The following CCSER1 variants were observed in gnomAD, a reference collection of about 807,000 sequenced individuals.
CCSER1 encodes the protein serine-rich coiled-coil domain-containing protein 1.
Under a neutral mutation model 82.0 loss-of-function variants are expected in CCSER1, and 41 were observed. The ratio of observed to expected loss-of-function variants is 0.50; its 90% CI spans 0.39 to 0.65. The LOEUF is 0.65. Among genes scored for constraint, CCSER1 ranks in the 30% least tolerant of loss-of-function variants. The pLI is 0.00. For missense variants in CCSER1, 1,119 were observed against 1,064.2 expected (o/e 1.05, Z -0.72); for synonymous variants, 414 against 383.9 (o/e 1.08, Z -0.92).
Position 91,402,139 on chromosome 4 carries a change from G to C in CCSER1, c.2218-196433G>C, listed in dbSNP as rs1752380947. Among the ~76,000 whole-genome samples, 3 of 152,172 alleles carry C rather than the reference G, an allele frequency of 2.0e-5. No homozygotes were observed. The South Asian group carries it at 6.2e-4, about 31-fold the overall frequency. On this transcript the variant is annotated intron_variant, in intron 10 of 10. Transcript: ENST00000509176. Reference sequence around the variant, plus strand: ...TTGTGGTTTTGATTTGCATTTCTCTGATGGGCAGTGATGATGAGCATTTTT... The same window carrying C: ...TTGTGGTTTTGATTTGCATTTCTCTCATGGGCAGTGATGATGAGCATTTTT...
chr4:90,742,131 C>T (rs996516072), intron 7 of CCSER1, among the ~76,000 whole-genome samples: 2 of 152,036 alleles, frequency 1.3e-5, no homozygotes, highest in Admixed American at 6.6e-5. Context: ...GTGCTACACA[C>T]TTCCGAGCAA....
intron 9 of CCSER1, among the ~76,000 whole-genome samples, chr4:91,011,323 T>C (rs114660157): frequency 0.023 from 3,078 of 133,978 alleles, 458 homozygotes; most frequent in African/African-American, 0.047. Context: ...AAAATAGGGA[T>C]ACTTAGCTTA....
At chr4:91,317,708 G>T (rs1227690042) in intron 10 of CCSER1, among the ~76,000 whole-genome samples, 1 of 151,846 alleles carries the variant, frequency 6.6e-6, no homozygotes, top group Non-Finnish European at 1.5e-5. Context: ...ACTTAGGAGA[G>T]ACTTTTGAGA....
intron 3 of CCSER1, among the ~76,000 whole-genome samples, chr4:90,397,364 A>G (rs1391155566): frequency 6.6e-6 from 1 of 152,200 alleles, no homozygotes; most frequent in Non-Finnish European, 1.5e-5. Flanking sequence ...AGAGATTTTA[A>G]TATTTCCCTG....
chr4:90,146,480 A>C (rs1725830597), intron 1 of CCSER1, among the ~76,000 whole-genome samples: 1 of 152,048 alleles, frequency 6.6e-6, no homozygotes, highest in East Asian at 1.9e-4. Flanking sequence ...AGCTACCGTC[A>C]TTCTAATTAC....
intron 10 of CCSER1, among the ~76,000 whole-genome samples, chr4:91,143,327 A>C (rs1729217262): frequency 6.6e-6 from 1 of 151,752 alleles, no homozygotes; most frequent in African/African-American, 2.4e-5. Flanking sequence ...TTGTATATTT[A>C]CTTTGTATCC....
At chr4:90,648,973 T>G (rs1394219711) in intron 6 of CCSER1, among the ~76,000 whole-genome samples, 1 of 152,226 alleles carries the variant, frequency 6.6e-6, no homozygotes, top group Non-Finnish European at 1.5e-5. Context: ...AGTTAGCTGC[T>G]GCTTCTTACA....
At chr4:91,029,728 A>G (rs1740805958) in intron 9 of CCSER1, among the ~76,000 whole-genome samples, 1 of 152,108 alleles carries the variant, frequency 6.6e-6, no homozygotes, top group Non-Finnish European at 1.5e-5. Context: ...TTCATTCTGT[A>G]AAGTAAAAAT....
chr4:91,545,932 G>A (rs1248888145), intron 10 of CCSER1, among the ~76,000 whole-genome samples: 1 of 152,126 alleles, frequency 6.6e-6, no homozygotes, highest in African/African-American at 2.4e-5. Context: ...TATTGTAGAT[G>A]TTCTTTATTA....
chr4:91,438,592 G>A (rs1246468336), intron 10 of CCSER1, among the ~76,000 whole-genome samples: 2 of 152,170 alleles, frequency 1.3e-5, no homozygotes, highest in Non-Finnish European at 1.5e-5. Context: ...TCCTCCAAAG[G>A]AACATAATTC....
chr4:90,561,432 T>G (rs897481485), intron 5 of CCSER1, among the ~76,000 whole-genome samples: 6 of 152,210 alleles, frequency 3.9e-5, no homozygotes, highest in African/African-American at 1.4e-4. Flanking sequence ...AGCTGAAAGA[T>G]GTGTAAAATC....
chr4:90,634,098 A>G lies in CCSER1; in HGVS notation c.1932+5866A>G, dbSNP rs77238255. On this transcript the variant is annotated intron_variant, in intron 6 of 10. Coordinates refer to ENST00000509176, the MANE Select transcript of CCSER1 (RefSeq NM_001145065.2). ...CTATAAAAGAAAATGTTTAATATCTACAGAGGTGGGTTTTGTTTTAATGCT... is the reference window on the plus strand; with the variant it reads ...CTATAAAAGAAAATGTTTAATATCTGCAGAGGTGGGTTTTGTTTTAATGCT... Among the ~76,000 whole-genome samples the G allele has an allele frequency of 3.7e-3, 563 of 151,804 alleles. 27 individuals carry two copies. The East Asian group carries it at 0.092, about 25-fold the overall frequency.
At chr4:90,586,428 C>A (rs546656756) in intron 5 of CCSER1, among the ~76,000 whole-genome samples, 8 of 152,228 alleles carry the variant, frequency 5.3e-5, no homozygotes, top group African/African-American at 1.9e-4. Context: ...GAAAACATGA[C>A]CCTCATAAAT....
chr4:91,302,331 T>C (rs891076024), intron 10 of CCSER1, among the ~76,000 whole-genome samples: 20 of 152,032 alleles, frequency 1.3e-4, no homozygotes, highest in Non-Finnish European at 2.8e-4. Flanking sequence ...TTCTCTTCAC[T>C]GCAACGTTGT....
intron 5 of CCSER1, among the ~76,000 whole-genome samples, chr4:90,494,712 A>G (rs1409312015): frequency 6.6e-6 from 1 of 152,166 alleles, no homozygotes; most frequent in African/African-American, 2.4e-5. Flanking sequence ...ATTTTATTGA[A>G]GACTACCTAT....
chr4:90,193,395 G>A (rs562549448), intron 1 of CCSER1, among the ~76,000 whole-genome samples: 13 of 152,172 alleles, frequency 8.5e-5, no homozygotes, highest in African/African-American at 3.1e-4. Context: ...TAGTAGAGTG[G>A]CAAGGATATT....
At chr4:90,923,790 T>C (rs1687602601) in intron 9 of CCSER1, among the ~76,000 whole-genome samples, 1 of 152,244 alleles carries the variant, frequency 6.6e-6, no homozygotes, top group Non-Finnish European at 1.5e-5. Context: ...TTAATAAAGT[T>C]ACTATGTTTG....
intron 1 of CCSER1, among the ~76,000 whole-genome samples, chr4:90,233,925 C>T (rs867705087): frequency 7.4e-4 from 113 of 152,144 alleles, no homozygotes; most frequent in Middle Eastern, 6.8e-3. Flanking sequence ...TTCTTACATA[C>T]GTTGTTTCTA....
At chr4:90,155,720 C>A (rs1462638757) in intron 1 of CCSER1, among the ~76,000 whole-genome samples, 1 of 150,486 alleles carries the variant, frequency 6.6e-6, no homozygotes, top group East Asian at 2.0e-4. Context: ...GGGATCGTAT[C>A]CCCTTTATCA....
Sources: gnomAD v4.1 joint callset for allele counts (sites outside exome capture counted in the v4.1 genomes callset) on GRCh38, gnomAD v4.1.1 for gene constraint, MANE v1.5 for transcripts, NCBI Gene and HGNC (gene_info 2026-07-23, HGNC 2026-07-21) for gene names.